The following HMGA2 variants were observed in gnomAD, a reference collection of about 807,000 sequenced individuals.
HMGA2 encodes the protein high mobility group protein HMGI-C.
A neutral mutation model predicts 19.1 loss-of-function variants in HMGA2; 8 were observed. The ratio of observed to expected loss-of-function variants is 0.42; its 90% CI spans 0.25 to 0.76. The LOEUF (loss-of-function observed/expected upper bound fraction) is 0.76, where lower values mean the gene tolerates loss of function less well. HMGA2 is among the 30% of genes least tolerant of loss of function. HMGA2 has a pLI of 0.28. For synonymous variants in HMGA2, 60 were observed against 48.8 expected (o/e 1.23, Z -0.96); for missense variants, 109 against 136.3 (o/e 0.80, Z 1.00).
chr12:65,825,974 C>A lies in HMGA2; in HGVS notation c.111+593C>A, dbSNP rs2120814167. On this transcript the variant is annotated intron_variant, in intron 1 of 4. Transcript: ENST00000403681. The surrounding 1 kb of genome is among the most constrained non-coding windows in gnomAD (Gnocchi z 4.4). ...CGACAAAGAACGCATGGAGACCCGG[C>A]TGCCTGGTCCTTTTTGGGCTCTTTA... 1 of 152,260 alleles carries A rather than the reference C, an allele frequency of 6.6e-6. No homozygotes were observed. Among genetic ancestry groups the A allele is most frequent in the African/African-American group, 2.4e-5 (1 of 41,558 alleles). 9.4% of individuals were successfully genotyped at this position (152,260 alleles called of 1,614,324 possible).
intron 3 of HMGA2, chr12:65,914,937 A>G: frequency 1.4e-6 from 2 of 1,387,928 alleles, no homozygotes; most frequent in Non-Finnish European, 2.0e-6. Flanking sequence ...GGCCTCTCAA[A>G]GTGCTGGGAA....
Position 65,914,930 on chromosome 12 carries a change from C to T in HMGA2, c.250-36453C>T, listed in dbSNP as rs755495172. The T allele has an allele frequency of 1.3e-5, 17 of 1,309,094 alleles. 1 individual carries two copies. The African/African-American group carries it at 1.6e-4, about 12-fold the overall frequency. 81.1% of individuals were successfully genotyped at this position (1,309,094 alleles called of 1,614,324 possible). On this transcript the variant is annotated intron_variant, in intron 3 of 4. Coordinates refer to ENST00000403681, the MANE Select transcript of HMGA2 (RefSeq NM_003483.6). ...CCTCAGGTGAGCCACCCACCTTGGC[C>T]TCTCAAAGTGCTGGGAATACAGGCG...
intron 3 of HMGA2, among the ~76,000 whole-genome samples, chr12:65,847,606 G>C (rs1428147958): frequency 6.6e-6 from 1 of 152,158 alleles, no homozygotes; most frequent in East Asian, 1.9e-4. Context: ...CTGGGTTCAG[G>C]TATCAGCTTA....
Position 65,963,665 on chromosome 12 carries a change from T to C in HMGA2, c.*373T>C. On this transcript the variant is annotated 3_prime_UTR_variant, in exon 5 of 5. Transcript: ENST00000403681. The stretch of plus-strand genomic sequence containing the variant: ...AACCGAATTGGGTTTAGTCAATCAC[T>C]GCACTGCATGCAAACAAGAAACGTG... 2.6e-6 allele frequency: 1 copy of C among 387,504 alleles called. No homozygotes were observed. The highest frequency in any genetic ancestry group is 4.8e-6 in the Non-Finnish European group (1 of 209,396). The allele number at this position is 387,504 out of a possible 1,614,324, so 24.0% of individuals were successfully genotyped here. A position where few individuals can be genotyped will look rare whatever the true frequency, so the allele number is the denominator to read the frequency against.
intron 3 of HMGA2, among the ~76,000 whole-genome samples, chr12:65,896,905 T>C (rs1460024892): frequency 6.6e-6 from 1 of 152,206 alleles, no homozygotes; most frequent in Non-Finnish European, 1.5e-5. Context: ...CAACTTCATG[T>C]GGCTGCTGTG....
intron 3 of HMGA2, among the ~76,000 whole-genome samples, chr12:65,889,972 C>T (rs1418334469): frequency 6.6e-6 from 1 of 152,196 alleles, no homozygotes; most frequent in East Asian, 1.9e-4. Flanking sequence ...CAGCCATCTT[C>T]CTCCTAATTC....
At chr12:65,874,377 A>G (rs1238444099) in intron 3 of HMGA2, among the ~76,000 whole-genome samples, 4 of 152,154 alleles carry the variant, frequency 2.6e-5, no homozygotes, top group Admixed American at 6.5e-5. Context: ...GAAAATATAT[A>G]TAAAAACCTT....
chr12:65,915,592 T>C, intron 3 of HMGA2: 8 of 1,039,452 alleles, frequency 7.7e-6, no homozygotes, highest in South Asian at 3.7e-5. Context: ...ATTCCATTGG[T>C]ATTTTCCTGT....
chr12:65,915,545 T>G, intron 3 of HMGA2: 2 of 1,135,760 alleles, frequency 1.8e-6, no homozygotes, highest in South Asian at 5.2e-5. Flanking sequence ...TCTCTGTCTC[T>G]TCAGTGCCAT....
intron 3 of HMGA2, among the ~76,000 whole-genome samples, chr12:65,911,871 G>A (rs1371343179): frequency 1.3e-5 from 2 of 152,112 alleles, no homozygotes; most frequent in African/African-American, 2.4e-5. Flanking sequence ...ACATTTAACT[G>A]TATGTTTATT....
chr12:65,955,738 A>G (rs1413940453), intron 4 of HMGA2: 3 of 152,142 alleles, frequency 2.0e-5, no homozygotes, highest in Non-Finnish European at 4.4e-5. Flanking sequence ...TTTCTGTTTC[A>G]AAAAAAGAGT....
intron 3 of HMGA2, among the ~76,000 whole-genome samples, chr12:65,932,591 C>A: frequency 6.6e-6 from 1 of 152,172 alleles, no homozygotes; most frequent in Non-Finnish European, 1.5e-5. Flanking sequence ...ATTCTATAAA[C>A]CTTAATTTGG....
intron 3 of HMGA2, among the ~76,000 whole-genome samples, chr12:65,908,456 A>G (rs1303646951): frequency 1.3e-5 from 2 of 152,110 alleles, no homozygotes; most frequent in Non-Finnish European, 2.9e-5. Flanking sequence ...TCTTCCAGAT[A>G]TTTCCCTTCA....
chr12:65,825,044 TCTCCTCCTC>T lies in HMGA2; in HGVS notation c.-219_-211del. 2.2e-6 allele frequency: 1 copy of T among 448,342 alleles called. No individual in the cohort carries two copies. Among genetic ancestry groups the T allele is most frequent in the Non-Finnish European group, 3.9e-6 (1 of 253,294 alleles). The allele number at this position is 448,342 out of a possible 1,614,324, so 27.8% of individuals were successfully genotyped here. On this transcript the variant is annotated 5_prime_UTR_variant, in exon 1 of 5. Coordinates refer to ENST00000403681, the MANE Select transcript of HMGA2 (RefSeq NM_003483.6). This position sits in a 1 kb window ranked among gnomAD's most constrained non-coding sequence, Gnocchi z 4.4. ...CGCCGCCACCGGCAGCGCCTCCTCCTCTCCTCCTCCTCCTCCCCTCTTCTCTTTTTGGCA... is the reference window on the plus strand; with the variant it reads ...CGCCGCCACCGGCAGCGCCTCCTCCTCTCCTCCCCTCTTCTCTTTTTGGCA...
At chr12:65,945,751 T>G (rs1034189724) in intron 3 of HMGA2, among the ~76,000 whole-genome samples, 1 of 152,188 alleles carries the variant, frequency 6.6e-6, no homozygotes, top group Admixed American at 6.5e-5. Context: ...TGTCTACTTA[T>G]TCAATATTTT....
chr12:65,868,458 G>A (rs1244898831), intron 3 of HMGA2, among the ~76,000 whole-genome samples: 3 of 152,198 alleles, frequency 2.0e-5, no homozygotes, highest in East Asian at 3.9e-4. Context: ...TACGATCGTG[G>A]AGGAGTCAGA....
intron 3 of HMGA2, chr12:65,873,840 A>G (rs1872833790): frequency 6.6e-6 from 1 of 152,226 alleles, no homozygotes; most frequent in Non-Finnish European, 1.5e-5. Context: ...CATTTATTAG[A>G]TGACTGAAAA....
intron 3 of HMGA2, among the ~76,000 whole-genome samples, chr12:65,855,450 T>C (rs1021584276): frequency 1.8e-4 from 19 of 106,066 alleles, no homozygotes; most frequent in Non-Finnish European, 3.2e-4. Flanking sequence ...TCTCTCTCTC[T>C]CTCTCTCTCA....
At chr12:65,923,220 AAAG>A (rs2121245907) in intron 3 of HMGA2, among the ~76,000 whole-genome samples, 1 of 152,302 alleles carries the variant, frequency 6.6e-6, no homozygotes, top group African/African-American at 2.4e-5. Context: ...CAAGTAAAAA[AAAG>A]AAGAAAAAAA....
Sources: allele counts gnomAD v4.1 joint callset (sites outside exome capture counted in the v4.1 genomes callset), GRCh38; gene constraint gnomAD v4.1.1; non-coding constraint Gnocchi (gnomAD v3.1); transcripts MANE v1.5; gene names NCBI Gene and HGNC (gene_info 2026-07-23, HGNC 2026-07-21).